Variants in NTNG1 observed in about 807,000 individuals in gnomAD.
NTNG1 encodes the protein netrin-G1.
In NTNG1, 16 loss-of-function variants were observed where a neutral mutation model predicts 54.0. The observed-to-expected ratio is 0.30, with a 90% confidence interval of 0.20 to 0.45. The LOEUF (loss-of-function observed/expected upper bound fraction) is 0.45, where lower values mean the gene tolerates loss of function less well. Ranked by LOEUF, NTNG1 falls within the 20% of genes least tolerant of loss-of-function variation. The pLI, the probability that NTNG1 is intolerant of heterozygous loss-of-function variation, is 1.00. For synonymous variants in NTNG1, 255 were observed against 263.1 expected (o/e 0.97, Z 0.30); for missense variants, 530 against 678.7 (o/e 0.78, Z 2.43).
At chr1:107,226,687 T>A (rs755318578) in intron 2 of NTNG1, among the ~76,000 whole-genome samples, 5 of 152,136 alleles carry the variant, frequency 3.3e-5, no homozygotes, top group Admixed American at 1.3e-4. Context: ...TATACTTTCA[T>A]TATTGTGTGA....
At chr1:107,442,795 A>T (rs1676048198) in intron 7 of NTNG1, among the ~76,000 whole-genome samples, 1 of 152,100 alleles carries the variant, frequency 6.6e-6, no homozygotes, top group Non-Finnish European at 1.5e-5. Flanking sequence ...CTTTGATGAA[A>T]GTTTTTTCAT....
At chr1:107,238,953 C>A (rs1661612971) in intron 2 of NTNG1, among the ~76,000 whole-genome samples, 1 of 151,918 alleles carries the variant, frequency 6.6e-6, no homozygotes, top group South Asian at 2.1e-4. Flanking sequence ...AAGCTATGCT[C>A]CAGAAAGAGG....
intron 3 of NTNG1, among the ~76,000 whole-genome samples, chr1:107,348,514 A>G (rs1669404971): frequency 6.6e-6 from 1 of 152,116 alleles, no homozygotes; most frequent in Non-Finnish European, 1.5e-5. Context: ...CATTTTTATC[A>G]AGGGCTGTCC....
chr1:107,463,176 A>G (rs1261992089), intron 7 of NTNG1, among the ~76,000 whole-genome samples: 1 of 152,210 alleles, frequency 6.6e-6, no homozygotes, highest in Non-Finnish European at 1.5e-5. Context: ...GTATGTATTG[A>G]TCATGTATTT....
chr1:107,439,768 A>G (rs1675850916), intron 7 of NTNG1, among the ~76,000 whole-genome samples: 1 of 152,118 alleles, frequency 6.6e-6, no homozygotes, highest in Non-Finnish European at 1.5e-5. Context: ...ACCAAGGATC[A>G]GCAATAACGG....
intron 2 of NTNG1, among the ~76,000 whole-genome samples, chr1:107,233,873 T>C (rs188103224): frequency 6.6e-6 from 1 of 152,340 alleles, no homozygotes; most frequent in African/African-American, 2.4e-5. Flanking sequence ...CTATCTCATG[T>C]TCCTGTCTTC....
chr1:107,171,730 A>G (rs544701158), intron 2 of NTNG1, among the ~76,000 whole-genome samples: 1 of 152,102 alleles, frequency 6.6e-6, no homozygotes, highest in East Asian at 1.9e-4. Flanking sequence ...ACTGCCATCC[A>G]CCCTCTGAAA....
intron 3 of NTNG1, among the ~76,000 whole-genome samples, chr1:107,363,196 C>T (rs1461366911): frequency 6.6e-6 from 1 of 152,110 alleles, no homozygotes; most frequent in Non-Finnish European, 1.5e-5. Flanking sequence ...ATTTCATGAA[C>T]ATATGATGGA....
At chr1:107,425,909 A>G (rs1674881061) in intron 5 of NTNG1, among the ~76,000 whole-genome samples, 1 of 152,042 alleles carries the variant, frequency 6.6e-6, no homozygotes, top group Non-Finnish European at 1.5e-5. Context: ...TGTGATTTTA[A>G]TTTACATTTC....
intron 4 of NTNG1, among the ~76,000 whole-genome samples, 188 bp from the exon 5 acceptor site, chr1:107,407,494 G>T (rs1306326272): frequency 2.0e-5 from 3 of 150,568 alleles, no homozygotes; most frequent in Non-Finnish European, 4.4e-5. Flanking sequence ...GCTGGAAATT[G>T]TGTGTGTGTG....
intron 3 of NTNG1, among the ~76,000 whole-genome samples, chr1:107,377,301 TCAC>T (rs997987230): frequency 3.2e-4 from 49 of 152,112 alleles, no homozygotes; most frequent in Admixed American, 2.0e-4. Context: ...ATTATCTCAG[TCAC>T]CACCACACCT....
chr1:107,438,355 A>G (rs1377269978), intron 7 of NTNG1, among the ~76,000 whole-genome samples: 1 of 152,226 alleles, frequency 6.6e-6, no homozygotes, highest in African/African-American at 2.4e-5. Flanking sequence ...TATAAGGTCT[A>G]GATAAAGCCA....
chr1:107,329,194 C>T (rs1057281867), intron 3 of NTNG1, among the ~76,000 whole-genome samples: 1 of 152,126 alleles, frequency 6.6e-6, no homozygotes, highest in South Asian at 2.1e-4. Flanking sequence ...TTCGACAAAA[C>T]TTTTTGGTGC....
At chr1:107,251,653 A>C (rs1393990523) in intron 2 of NTNG1, among the ~76,000 whole-genome samples, 1 of 152,120 alleles carries the variant, frequency 6.6e-6, no homozygotes, top group Non-Finnish European at 1.5e-5. Context: ...AAACTATCAG[A>C]CCAGTCTCCT....
chr1:107,469,518 T>C (rs975239606), intron 7 of NTNG1, among the ~76,000 whole-genome samples: 2 of 152,218 alleles, frequency 1.3e-5, no homozygotes, highest in Non-Finnish European at 2.9e-5. Context: ...AGTCTCTCTC[T>C]GTCTCCCAGG....
intron 2 of NTNG1, among the ~76,000 whole-genome samples, chr1:107,159,770 C>G (rs1359327815): frequency 1.3e-5 from 2 of 152,080 alleles, no homozygotes. Context: ...TCTGAAATAA[C>G]CTCAGAAAAT....
chr1:107,202,421 T>C (rs181205298), intron 2 of NTNG1, among the ~76,000 whole-genome samples: 3 of 152,054 alleles, frequency 2.0e-5, no homozygotes, highest in Admixed American at 6.6e-5. Flanking sequence ...GCATAGCATT[T>C]AGCTATGTGA....
Position 107,148,478 on chromosome 1 carries a change from C to T in NTNG1, c.-116C>T. The T allele has an allele frequency of 1.1e-6, 1 of 950,262 alleles. No homozygotes were observed. The highest frequency in any genetic ancestry group is 2.3e-5 in the Admixed American group (1 of 43,106). The allele number at this position is 950,262 out of a possible 1,614,324, so 58.9% of individuals were successfully genotyped here. On this transcript the variant is annotated 5_prime_UTR_variant, in exon 2 of 8. Coordinates refer to ENST00000370068, the MANE Select transcript of NTNG1 (RefSeq NM_001113226.3). ...CTTCATTTAAAAAAAAATACAGAGA[C>T]CTACCTACCCGTACGCATACATACA...
chr1:107,415,669 A>G (rs182649589), intron 5 of NTNG1, among the ~76,000 whole-genome samples: 42 of 152,264 alleles, frequency 2.8e-4, no homozygotes, highest in African/African-American at 9.6e-4. Context: ...TTTGTGAAAA[A>G]AAAATGAAAT....
Sources: allele counts gnomAD v4.1 joint callset (sites outside exome capture counted in the v4.1 genomes callset), GRCh38; gene constraint gnomAD v4.1.1; transcripts MANE v1.5; gene names NCBI Gene and HGNC (gene_info 2026-07-23, HGNC 2026-07-21).